The following GRIK5 variants were observed in gnomAD, a reference collection of about 807,000 sequenced individuals.
The protein encoded by GRIK5 is glutamate ionotropic receptor kainate type subunit 5.
Under a neutral mutation model 97.4 loss-of-function variants are expected in GRIK5, and 43 were observed. That is an observed-to-expected ratio of 0.44 (90% CI 0.35 to 0.57). The LOEUF is 0.57. Among genes scored for constraint, GRIK5 ranks in the 20% least tolerant of loss-of-function variants. GRIK5 has a pLI of 0.01. For synonymous variants in GRIK5, 580 were observed against 583.5 expected (o/e 0.99, Z 0.09); for missense variants, 1,015 against 1,382.0 (o/e 0.73, Z 4.21).
rs1216294262 is a variant in GRIK5, at chr19:42,065,215, C to A, written c.244+8G>T. ...TGCCTCACCCCACGCCCCCATGGCC[C>A]CGCTCACTGGTGTCCGTGGTCTCGT... On this transcript the variant is annotated splice_region_variant and intron_variant, in intron 3 of 19. Coordinates refer to ENST00000593562, the MANE Select transcript of GRIK5 (RefSeq NM_002088.5). This position sits in a 1 kb window ranked among gnomAD's most constrained non-coding sequence, Gnocchi z 5.8. The A allele has an allele frequency of 3.1e-6, 5 of 1,604,486 alleles. No individual in the cohort carries two copies. In the South Asian group the frequency reaches 5.5e-5, roughly 18 times the overall value.
chr19:42,033,796 T>C (rs1251662123), intron 12 of GRIK5, among the ~76,000 whole-genome samples: 2 of 151,664 alleles, frequency 1.3e-5, no homozygotes, highest in African/African-American at 4.8e-5. Flanking sequence ...AGGCAAGGAG[T>C]TCAAGACCAG....
intron 8 of GRIK5, among the ~76,000 whole-genome samples, chr19:42,055,439 T>C (rs565363726): frequency 6.6e-6 from 1 of 152,324 alleles, no homozygotes; most frequent in South Asian, 2.1e-4. Context: ...GCATCTTTTG[T>C]ATGCTGGTAT....
chr19:42,047,034 C>T (rs1053784842), intron 11 of GRIK5, among the ~76,000 whole-genome samples: 2 of 151,790 alleles, frequency 1.3e-5, no homozygotes, highest in African/African-American at 4.8e-5. Flanking sequence ...ACCACAGGTG[C>T]GAGCCACTAA....
rs2075697137 is a variant in GRIK5 at position 42,021,517 on chromosome 19, G to A, written c.1698-43C>T. The A allele has an allele frequency of 6.9e-7, 1 of 1,459,538 alleles. No homozygotes were observed. Among genetic ancestry groups the A allele is most frequent in the South Asian group, 1.4e-5 (1 of 70,192 alleles). 90.4% of individuals were successfully genotyped at this position (1,459,538 alleles called of 1,614,324 possible). On this transcript the variant is annotated intron_variant, in intron 14 of 19. Coordinates refer to ENST00000593562, the MANE Select transcript of GRIK5 (RefSeq NM_002088.5). The surrounding 1 kb of genome is among the most constrained non-coding windows in gnomAD (Gnocchi z 4.2). ...GCGTGTGGATGGGGCCCAGAGCCCA[G>A]GTGGGGAGGAAAAGGAAAGAAGCAA... is the stretch of plus-strand genomic sequence containing the variant.
chr19:42,036,654 C>T (rs1393440262), intron 12 of GRIK5, among the ~76,000 whole-genome samples: 4 of 152,216 alleles, frequency 2.6e-5, no homozygotes, highest in African/African-American at 9.6e-5. Flanking sequence ...CCATGCCTGG[C>T]GTGTGTGTGC....
rs556262326 is a variant in GRIK5 at position 42,013,104 on chromosome 19, G to A, written c.1872-6294C>T. Among the ~76,000 whole-genome samples the A allele has an allele frequency of 2.3e-3, 350 of 151,132 alleles. 3 individuals carry two copies. The highest frequency in any genetic ancestry group is 2.3e-3 in the Non-Finnish European group (155 of 67,758). ...AGCAGTGGCTCATGCCTGTAATCGC[G>A]GCACTTTGGGAGGCTGAGGCAGGAA... On this transcript the variant is annotated intron_variant, in intron 15 of 19. Coordinates refer to ENST00000593562, the MANE Select transcript of GRIK5 (RefSeq NM_002088.5).
chr19:42,029,430 A>G (rs1276789536), intron 12 of GRIK5, among the ~76,000 whole-genome samples: 2 of 151,768 alleles, frequency 1.3e-5, no homozygotes, highest in African/African-American at 2.4e-5. Context: ...CAACATGGTG[A>G]AACCCCGTCT....
chr19:42,047,456 TGG>T (rs1430339889), intron 11 of GRIK5, among the ~76,000 whole-genome samples: 3 of 151,956 alleles, frequency 2.0e-5, no homozygotes, highest in African/African-American at 7.2e-5. Context: ...AAAGCAAAAC[TGG>T]GGGTTTACCC....
At chr19:42,043,392 T>C (rs546427547) in intron 11 of GRIK5, among the ~76,000 whole-genome samples, 43 of 150,216 alleles carry the variant, frequency 2.9e-4, no homozygotes, top group Admixed American at 1.8e-3. Flanking sequence ...AGATGACAGA[T>C]GGTGCAATTT....
At chr19:42,046,721 C>T (rs1394131025) in intron 11 of GRIK5, among the ~76,000 whole-genome samples, 3 of 152,066 alleles carry the variant, frequency 2.0e-5, no homozygotes, top group Non-Finnish European at 4.4e-5. Context: ...GAAAGAGCAA[C>T]GATGTGCTTG....
chr19:42,018,668 CGGGGGGGGGGGG>C (rs56212022), intron 15 of GRIK5, among the ~76,000 whole-genome samples: 1 of 5,048 alleles, frequency 2.0e-4, no homozygotes, highest in African/African-American at 3.2e-4. Context: ...CAAAAAAAAG[CGGGGGGGGGGGG>C]GGGGGGGAGG....
At position 42,069,960 on chromosome 19, in the gene GRIK5, G is replaced by A. The variant is rs1025587597; in HGVS notation, c.-770C>T. 1.3e-5 allele frequency among the ~76,000 whole-genome samples: 2 copies of A among 152,020 alleles called. No homozygotes were observed. Among genetic ancestry groups the A allele is most frequent in the African/African-American group, 4.8e-5 (2 of 41,374 alleles). On this transcript the variant is annotated 5_prime_UTR_variant, in exon 1 of 20. Coordinates refer to ENST00000593562, the MANE Select transcript of GRIK5 (RefSeq NM_002088.5). ...GATAGGGAGGAGGGAGAGGAGGATG[G>A]AGAGGAGCAGGTGGAAGAGAAAGGC...
In GRIK5 at chr19:42,021,288, G is replaced by T. The variant is rs772651597; in HGVS notation, c.1871+13C>A. Reference sequence around the variant, plus strand: ...CCCTCGCCCCGGGCAGAGGCAGATAGAAAGCTTCTCACCAGACTCCGCTGA... The same window carrying T: ...CCCTCGCCCCGGGCAGAGGCAGATATAAAGCTTCTCACCAGACTCCGCTGA... On this transcript the variant is annotated intron_variant, in intron 15 of 19. Transcript: ENST00000593562. The surrounding 1 kb of genome is among the most constrained non-coding windows in gnomAD (Gnocchi z 4.2). The T allele has an allele frequency of 1.2e-6, 2 of 1,608,770 alleles. No homozygotes were observed. The highest frequency in any genetic ancestry group is 3.3e-5 in the Admixed American group (2 of 59,712).
chr19:42,065,199 C>G lies in GRIK5; in HGVS notation c.244+24G>C. 6.3e-7 allele frequency: 1 copy of G among 1,595,206 alleles called. No individual in the cohort carries two copies. On this transcript the variant is annotated intron_variant, in intron 3 of 19. Transcript: ENST00000593562. The surrounding 1 kb of genome is among the most constrained non-coding windows in gnomAD (Gnocchi z 5.8). Reference sequence around the variant, plus strand: ...GGCCACCGACCTGCCCTGCCTCACCCCACGCCCCCATGGCCCCGCTCACTG... The same window carrying G: ...GGCCACCGACCTGCCCTGCCTCACCGCACGCCCCCATGGCCCCGCTCACTG...
chr19:42,061,266 G>A (rs1054119134), intron 5 of GRIK5, among the ~76,000 whole-genome samples: 4 of 152,140 alleles, frequency 2.6e-5, no homozygotes, highest in South Asian at 2.1e-4. Context: ...GGATGGTCTC[G>A]ATCTCCTGAC....
Position 42,065,070 on chromosome 19 carries a change from G to A in GRIK5, c.244+153C>T, listed in dbSNP as rs545837148. On this transcript the variant is annotated intron_variant, in intron 3 of 19. Transcript: ENST00000593562. The surrounding 1 kb of genome is among the most constrained non-coding windows in gnomAD (Gnocchi z 5.8). Reference sequence around the variant, plus strand: ...TCTCCAACCCCCAGGCCCAGCAGCAGCCATGTCTGGGAAGAAGGCAGAGAC... The same window carrying A: ...TCTCCAACCCCCAGGCCCAGCAGCAACCATGTCTGGGAAGAAGGCAGAGAC... Among the ~76,000 whole-genome samples the A allele has an allele frequency of 2.2e-4, 34 of 152,350 alleles. No individual in the cohort carries two copies. Among genetic ancestry groups the A allele is most frequent in the Admixed American group, 1.1e-3 (17 of 15,308 alleles).
chr19:42,006,498 G>T lies in GRIK5; in HGVS notation c.2037+147C>A. 1.4e-6 allele frequency: 1 copy of T among 691,570 alleles called. No individual in the cohort carries two copies. Among genetic ancestry groups the T allele is most frequent in the Non-Finnish European group, 2.5e-6 (1 of 403,024 alleles). The allele number at this position is 691,570 out of a possible 1,614,324, so 42.8% of individuals were successfully genotyped here. On this transcript the variant is annotated intron_variant, in intron 16 of 19. Transcript: ENST00000593562. The surrounding 1 kb of genome is among the most constrained non-coding windows in gnomAD (Gnocchi z 5.3). ...CCAGCCAGCTGCGAGCCCCATGACA[G>T]CACATGTGTGTTTTCTGCTCCCCAG...
intron 10 of GRIK5, 43 bp from the exon 11 acceptor site, chr19:42,053,752 G>A (rs1668426682): frequency 1.4e-5 from 21 of 1,547,452 alleles, no homozygotes; most frequent in Non-Finnish European, 1.9e-5. Context: ...CCCTGCCTGA[G>A]GTCATGGCAG....
chr19:42,018,164 A>AAG (rs1272602662), intron 15 of GRIK5, among the ~76,000 whole-genome samples: 1 of 149,618 alleles, frequency 6.7e-6, no homozygotes, highest in East Asian at 2.0e-4. Context: ...AAAAAAAAAA[A>AAG]AAAAAAAAAA....
Sources: gnomAD v4.1 joint callset for allele counts (sites outside exome capture counted in the v4.1 genomes callset) on GRCh38, gnomAD v4.1.1 for gene constraint, Gnocchi (gnomAD v3.1) non-coding constraint, MANE v1.5 for transcripts, NCBI Gene and HGNC (gene_info 2026-07-23, HGNC 2026-07-21) for gene names.